The following DSCAM variants were observed in gnomAD, a reference collection of about 807,000 sequenced individuals.
The protein encoded by DSCAM is DS cell adhesion molecule, also known as cell adhesion molecule DSCAM.
A neutral mutation model predicts 217.7 loss-of-function variants in DSCAM; 47 were observed. The ratio of observed to expected loss-of-function variants is 0.22; its 90% CI spans 0.17 to 0.28. DSCAM has a LOEUF of 0.28. Ranked by LOEUF, DSCAM falls within the 10% of genes least tolerant of loss-of-function variation. DSCAM has a pLI of 1.00. For synonymous variants in DSCAM, 1,056 were observed against 1,015.3 expected (o/e 1.04, Z -0.76); for missense variants, 2,080 against 2,618.3 (o/e 0.79, Z 4.49).
chr21:40,635,581 A>G (rs2089747432), intron 3 of DSCAM, among the ~76,000 whole-genome samples: 1 of 149,536 alleles, frequency 6.7e-6, no homozygotes. Context: ...GTGTGTGTGC[A>G]TGTGTGTGCA....
intron 20 of DSCAM, among the ~76,000 whole-genome samples, chr21:40,123,811 G>GA (rs1416293988): frequency 7.2e-6 from 1 of 139,338 alleles, no homozygotes; most frequent in Non-Finnish European, 1.6e-5. Context: ...GGGAGGGAGG[G>GA]AGAAGGGAGG....
chr21:40,137,238 T>C (rs967713022), intron 18 of DSCAM, among the ~76,000 whole-genome samples: 26 of 125,540 alleles, frequency 2.1e-4, no homozygotes, highest in Admixed American at 4.2e-4. Context: ...TGCTAATGGT[T>C]AATATACTAA....
At chr21:40,036,047 C>G (rs1464084747) in intron 32 of DSCAM, among the ~76,000 whole-genome samples, 64 of 127,772 alleles carry the variant, frequency 5.0e-4, no homozygotes, top group Non-Finnish European at 6.8e-4. Context: ...GCACTAAATG[C>G]CCACAAGAGA....
intron 1 of DSCAM, among the ~76,000 whole-genome samples, chr21:40,722,289 A>G (rs1216351571): frequency 1.3e-5 from 2 of 152,148 alleles, no homozygotes; most frequent in Non-Finnish European, 2.9e-5. Context: ...TCTCACTTTA[A>G]ATCATCAAAA....
chr21:40,190,751 C>T (rs2090945075), intron 11 of DSCAM, among the ~76,000 whole-genome samples: 1 of 152,056 alleles, frequency 6.6e-6, no homozygotes, highest in South Asian at 2.1e-4. Context: ...TGAAATGCAC[C>T]CAGATAAAGC....
chr21:40,752,781 G>A (rs2091241548), intron 1 of DSCAM, among the ~76,000 whole-genome samples: 1 of 152,168 alleles, frequency 6.6e-6, no homozygotes, highest in Admixed American at 6.5e-5. Flanking sequence ...TTAAAAAGCG[G>A]GGAGTAAAGA....
chr21:40,453,215 G>T (rs987898855), intron 3 of DSCAM, among the ~76,000 whole-genome samples: 3 of 152,050 alleles, frequency 2.0e-5, no homozygotes, highest in African/African-American at 4.8e-5. Flanking sequence ...TGACTTTATA[G>T]GATTAATATG....
At chr21:40,757,428 C>T (rs1192441219) in intron 1 of DSCAM, among the ~76,000 whole-genome samples, 4 of 152,210 alleles carry the variant, frequency 2.6e-5, no homozygotes, top group African/African-American at 9.6e-5. Flanking sequence ...TCTCTCATTC[C>T]TCATGCATGT....
chr21:40,045,707 C>T (rs1027897495), intron 30 of DSCAM, among the ~76,000 whole-genome samples: 4 of 152,194 alleles, frequency 2.6e-5, no homozygotes, highest in African/African-American at 4.8e-5. Context: ...CAGTTTGATA[C>T]AGTTATATTT....
intron 8 of DSCAM, among the ~76,000 whole-genome samples, chr21:40,337,385 T>C (rs527273989): frequency 1.0e-3 from 155 of 152,368 alleles, no homozygotes; most frequent in Middle Eastern, 3.4e-3. Flanking sequence ...AACAATTTTA[T>C]TTCATATTCA....
chr21:40,554,218 C>T (rs1439815247), intron 3 of DSCAM, among the ~76,000 whole-genome samples: 11 of 145,742 alleles, frequency 7.5e-5, no homozygotes, highest in South Asian at 2.2e-4. Flanking sequence ...TTTTTTAATG[C>T]GACAAATTGT....
At chr21:40,206,424 G>T (rs571608838) in intron 11 of DSCAM, among the ~76,000 whole-genome samples, 158 of 152,174 alleles carry the variant, frequency 1.0e-3, no homozygotes, top group African/African-American at 3.7e-3. Flanking sequence ...GACTCAGTGG[G>T]TCTAGGGGGG....
chr21:40,767,592 T>C (rs915795688), intron 1 of DSCAM, among the ~76,000 whole-genome samples: 1 of 152,214 alleles, frequency 6.6e-6, no homozygotes, highest in Non-Finnish European at 1.5e-5. Flanking sequence ...TGTTTGAGAA[T>C]GAACCTTCCT....
At chr21:40,483,362 A>T (rs569704482) in intron 3 of DSCAM, among the ~76,000 whole-genome samples, 1 of 152,366 alleles carries the variant, frequency 6.6e-6, no homozygotes, top group Non-Finnish European at 1.5e-5. Flanking sequence ...TTAGGCATTT[A>T]TGATATTACT....
At chr21:40,071,700 T>C (rs77061676) in intron 27 of DSCAM, among the ~76,000 whole-genome samples, 5,809 of 152,360 alleles carry the variant, frequency 0.038, 179 homozygotes, top group East Asian at 0.14. Flanking sequence ...GTCCTTAATT[T>C]TGACAATCAA....
At chr21:40,154,669 A>G (rs1568971457) in intron 16 of DSCAM, among the ~76,000 whole-genome samples, 1 of 152,162 alleles carries the variant, frequency 6.6e-6, no homozygotes, top group Non-Finnish European at 1.5e-5. Context: ...TGGCTCCCCC[A>G]AAGTCATTAT....
At chr21:40,423,715 T>C (rs558410459) in intron 3 of DSCAM, among the ~76,000 whole-genome samples, 55 of 152,278 alleles carry the variant, frequency 3.6e-4, no homozygotes, top group Non-Finnish European at 5.9e-4. Flanking sequence ...GAGGCAAGAA[T>C]TGGTGTTGCT....
chr21:40,330,134 G>A lies in DSCAM; in HGVS notation c.1783+7967C>T, dbSNP rs187980562. ...ACATTATACTATACACAGGAAATAC[G>A]TATCACTTTATTTAAAATGTAAATA... On this transcript the variant is annotated intron_variant, in intron 8 of 32. Transcript: ENST00000400454. 4.8e-3 allele frequency among the ~76,000 whole-genome samples: 733 copies of A among 151,158 alleles called. 2 individuals carry two copies. Among genetic ancestry groups the A allele is most frequent in the Non-Finnish European group, 8.7e-3 (592 of 67,844 alleles).
chr21:40,496,185 T>C (rs1042229827), intron 3 of DSCAM, among the ~76,000 whole-genome samples: 12 of 152,096 alleles, frequency 7.9e-5, no homozygotes, highest in African/African-American at 2.9e-4. Context: ...AAAATGTATA[T>C]GAAACCCCAT....
Sources: allele counts gnomAD v4.1 joint callset (sites outside exome capture counted in the v4.1 genomes callset), GRCh38; gene constraint gnomAD v4.1.1; transcripts MANE v1.5; gene names NCBI Gene and HGNC (gene_info 2026-07-23, HGNC 2026-07-21).